The following MAP4K3 variants were observed in gnomAD, a reference collection of about 807,000 sequenced individuals.
The protein encoded by MAP4K3 is mitogen-activated protein kinase kinase kinase kinase 3.
Under a neutral mutation model 143.5 loss-of-function variants are expected in MAP4K3, and 94 were observed. That is an observed-to-expected ratio of 0.65 (90% confidence interval 0.55 to 0.78). The LOEUF (loss-of-function observed/expected upper bound fraction) is 0.78. Ranked by LOEUF, MAP4K3 falls within the 30% of genes least tolerant of loss-of-function variation. The probability of loss-of-function intolerance (pLI) is 0.00; values close to 1 mark genes in which losing one functional copy is unlikely to be tolerated. For missense variants in MAP4K3, 1,077 were observed against 1,068.1 expected (o/e 1.01, Z -0.12); for synonymous variants, 416 against 347.2 (o/e 1.20, Z -2.20).
At chr2:39,433,732 C>T in intron 1 of MAP4K3, among the ~76,000 whole-genome samples, 1 of 152,156 alleles carries the variant, frequency 6.6e-6, no homozygotes, top group East Asian at 1.9e-4. Flanking sequence ...GCTCCTAGGT[C>T]CCTAGGTAAC....
At chr2:39,251,456 A>C (rs555489358) in intron 33 of MAP4K3, among the ~76,000 whole-genome samples, 14 of 152,322 alleles carry the variant, frequency 9.2e-5, no homozygotes, top group African/African-American at 3.4e-4. Flanking sequence ...TCTATTTCCT[A>C]TAACTTTATA....
At chr2:39,329,127 T>C (rs1391438448) in intron 8 of MAP4K3, among the ~76,000 whole-genome samples, 1 of 152,174 alleles carries the variant, frequency 6.6e-6, no homozygotes, top group Non-Finnish European at 1.5e-5. Context: ...CCAAGAGTAA[T>C]GACATAAATT....
At chr2:39,335,587 T>A (rs903950782) in intron 6 of MAP4K3, among the ~76,000 whole-genome samples, 1 of 152,226 alleles carries the variant, frequency 6.6e-6, no homozygotes, top group African/African-American at 2.4e-5. Flanking sequence ...CTTCTGTATC[T>A]GCTCACATTG....
intron 1 of MAP4K3, among the ~76,000 whole-genome samples, chr2:39,399,554 C>T (rs1164716879): frequency 6.6e-6 from 1 of 152,192 alleles, no homozygotes; most frequent in Non-Finnish European, 1.5e-5. Flanking sequence ...CTACATGTAG[C>T]ACCTCAGTCA....
chr2:39,333,827 A>C (rs1278441585), intron 6 of MAP4K3, among the ~76,000 whole-genome samples: 1 of 152,174 alleles, frequency 6.6e-6, no homozygotes, highest in Non-Finnish European at 1.5e-5. Flanking sequence ...TGTTAATATA[A>C]AAGTGATATA....
chr2:39,418,899 CAGAA>C (rs1413997872), intron 1 of MAP4K3, among the ~76,000 whole-genome samples: 1 of 152,074 alleles, frequency 6.6e-6, no homozygotes, highest in Non-Finnish European at 1.5e-5. Context: ...AATCCTGAGA[CAGAA>C]AGAGGCATTA....
chr2:39,430,512 G>A (rs1665251682), intron 1 of MAP4K3, among the ~76,000 whole-genome samples: 1 of 151,366 alleles, frequency 6.6e-6, no homozygotes, highest in African/African-American at 2.4e-5. Context: ...ATATAAAGGT[G>A]GTATGAAAAA....
chr2:39,428,619 T>C (rs1376298177), intron 1 of MAP4K3, among the ~76,000 whole-genome samples: 2 of 150,902 alleles, frequency 1.3e-5, no homozygotes, highest in Non-Finnish European at 3.0e-5. Flanking sequence ...GAGGTTGCAG[T>C]GAGCTGAGAT....
chr2:39,287,167 A>G (rs1681822325), intron 20 of MAP4K3, among the ~76,000 whole-genome samples: 1 of 152,230 alleles, frequency 6.6e-6, no homozygotes. Flanking sequence ...CTGGCATATT[A>G]GGCAAATTTA....
At chr2:39,309,102 T>C (rs1682842839) in intron 14 of MAP4K3, among the ~76,000 whole-genome samples, 2 of 151,226 alleles carry the variant, frequency 1.3e-5, no homozygotes, top group African/African-American at 4.8e-5. Context: ...TACCTTTTTG[T>C]TTCCCACGAT....
intron 1 of MAP4K3, among the ~76,000 whole-genome samples, chr2:39,385,305 G>A (rs746015315): frequency 3.9e-5 from 6 of 151,950 alleles, no homozygotes; most frequent in African/African-American, 7.3e-5. Context: ...CAGAAGCAAC[G>A]CATGGTGGGG....
intron 12 of MAP4K3, among the ~76,000 whole-genome samples, chr2:39,320,709 A>G (rs1321207582): frequency 6.6e-6 from 1 of 152,174 alleles, no homozygotes; most frequent in African/African-American, 2.4e-5. Context: ...GTCTTATTCA[A>G]AAAACTTTTG....
At chr2:39,318,183 G>A (rs143109387) in intron 12 of MAP4K3, among the ~76,000 whole-genome samples, 22 of 152,148 alleles carry the variant, frequency 1.4e-4, no homozygotes, top group Non-Finnish European at 1.2e-4. Flanking sequence ...CTGATAAGTG[G>A]GAGCTAAACA....
intron 19 of MAP4K3, among the ~76,000 whole-genome samples, chr2:39,289,971 C>T (rs1681963337): frequency 6.6e-6 from 1 of 151,774 alleles, no homozygotes; most frequent in African/African-American, 2.4e-5. Context: ...CCTGTAATCC[C>T]AGCTACTGGG....
intron 24 of MAP4K3, 129 bp downstream of exon 24, chr2:39,278,278 A>AG (rs933711024): frequency 2.0e-5 from 11 of 552,642 alleles, no homozygotes; most frequent in African/African-American, 1.6e-4. Context: ...GTCTCAAAAA[A>AG]CAAAACAAAA....
intron 2 of MAP4K3, among the ~76,000 whole-genome samples, chr2:39,372,179 T>A (rs904767112): frequency 6.6e-6 from 1 of 151,300 alleles, no homozygotes; most frequent in Non-Finnish European, 1.5e-5. Flanking sequence ...AGAAATTCCA[T>A]TTACAATAGC....
intron 1 of MAP4K3, among the ~76,000 whole-genome samples, chr2:39,436,416 G>A (rs191895568): frequency 6.6e-6 from 1 of 152,240 alleles, no homozygotes; most frequent in East Asian, 1.9e-4. Context: ...GAAGATGGAG[G>A]TCGCTCAGCA....
At chr2:39,308,645 CA>C (rs774587541) in intron 14 of MAP4K3, among the ~76,000 whole-genome samples, 4 of 152,116 alleles carry the variant, frequency 2.6e-5, no homozygotes, top group Admixed American at 6.5e-5. Context: ...TCCAATGTCT[CA>C]TTTTTTTATT....
intron 21 of MAP4K3, among the ~76,000 whole-genome samples, chr2:39,284,495 G>C (rs1471624660): frequency 1.3e-5 from 2 of 151,882 alleles, no homozygotes; most frequent in African/African-American, 4.8e-5. Flanking sequence ...GGAGCTCTGA[G>C]TGTTATAACT....
Sources: allele counts gnomAD v4.1 joint callset (sites outside exome capture counted in the v4.1 genomes callset), GRCh38; gene constraint gnomAD v4.1.1; transcripts MANE v1.5; gene names NCBI Gene and HGNC (gene_info 2026-07-23, HGNC 2026-07-21).